VSTM2L: variants seen among roughly 807,000 people sequenced by gnomAD.
The protein encoded by VSTM2L is V-set and transmembrane domain containing 2 like.
A neutral mutation model predicts 19.9 loss-of-function variants in VSTM2L; 9 were observed. The observed-to-expected ratio is 0.45, with a 90% CI of 0.27 to 0.79. VSTM2L has a LOEUF of 0.79. Among genes scored for constraint, VSTM2L ranks in the 30% least tolerant of loss-of-function variants. VSTM2L has a pLI of 0.15. For missense variants in VSTM2L, 286 were observed against 295.5 expected (o/e 0.97, Z 0.24); for synonymous variants, 127 against 133.8 (o/e 0.95, Z 0.35).
intron 2 of VSTM2L, among the ~76,000 whole-genome samples, 173 bp from the exon 3 acceptor site, chr20:37,933,366 T>C (rs1406064708): frequency 6.6e-6 from 1 of 152,166 alleles, no homozygotes; most frequent in Non-Finnish European, 1.5e-5. Context: ...CCTGAGTGGA[T>C]ACAGAAAGGG....
intron 1 of VSTM2L, among the ~76,000 whole-genome samples, chr20:37,913,519 C>T (rs765087354): frequency 2.6e-5 from 4 of 152,192 alleles, no homozygotes; most frequent in Non-Finnish European, 5.9e-5. Context: ...GGTAAGCATA[C>T]TCAGAGAGCT....
chr20:37,905,717 C>A (rs2072748216), intron 1 of VSTM2L, among the ~76,000 whole-genome samples: 1 of 152,190 alleles, frequency 6.6e-6, no homozygotes, highest in Non-Finnish European at 1.5e-5. Context: ...GGTTCAAAGT[C>A]ACCAAGTAGT....
intron 1 of VSTM2L, among the ~76,000 whole-genome samples, chr20:37,921,363 C>T (rs2072850051): frequency 6.6e-6 from 1 of 152,158 alleles, no homozygotes; most frequent in South Asian, 2.1e-4. Context: ...CTGATTTTGA[C>T]CCTGAGGGCT....
In VSTM2L at chr20:37,944,575, A is replaced by G; in HGVS notation, c.*322A>G. On this transcript the variant is annotated 3_prime_UTR_variant, in exon 4 of 4. Coordinates refer to ENST00000373461, the MANE Select transcript of VSTM2L (RefSeq NM_080607.3). ...CCTGTCACCAGCTTCTGTGGAGTCC[A>G]GTGTTTTGCTTTGCTTGCTTGTCCC... 1.8e-6 allele frequency: 2 copies of G among 1,131,866 alleles called. No homozygotes were observed. The highest frequency in any genetic ancestry group is 2.2e-6 in the Non-Finnish European group (2 of 924,586). 70.1% of individuals were successfully genotyped at this position (1,131,866 alleles called of 1,614,324 possible). A position where few individuals can be genotyped will look rare whatever the true frequency, so the allele number is the denominator to read the frequency against.
Position 37,944,112 on chromosome 20 carries a change from G to T in VSTM2L, c.474G>T (p.Lys158Asn), listed in dbSNP as rs146721357. Residue 158 changes from lysine (K) to asparagine (N), a missense_variant, in exon 4 of 4, where the codon AAG (lysine) becomes AAT (asparagine). Transcript: ENST00000373461. ...GCAAGGCCCGGCACCACAAGGTCAA[G>T]GCCTACCTGCGGGTGCAGCCAGGGG... ...SDGKARHHKV[K>N]AYLRVQPGEN... is the part of the protein sequence containing the mutation. 6.2e-7 allele frequency: 1 copy of T among 1,612,474 alleles called. No individual in the cohort carries two copies. The highest frequency in any genetic ancestry group is 1.1e-5 in the South Asian group (1 of 90,928).
intron 1 of VSTM2L, among the ~76,000 whole-genome samples, chr20:37,912,656 G>A (rs1056078731): frequency 2.6e-5 from 4 of 152,216 alleles, no homozygotes; most frequent in Admixed American, 2.0e-4. Flanking sequence ...GCACACTGGT[G>A]CCCTTGGAGG....
intron 3 of VSTM2L, among the ~76,000 whole-genome samples, chr20:37,940,006 C>T (rs1294564709): frequency 6.6e-6 from 1 of 152,136 alleles, no homozygotes; most frequent in African/African-American, 2.4e-5. Context: ...TTCGTGGCCC[C>T]ATCTAGGGGA....
At chr20:37,907,589 C>G (rs1239285942) in intron 1 of VSTM2L, among the ~76,000 whole-genome samples, 1 of 152,018 alleles carries the variant, frequency 6.6e-6, no homozygotes, top group African/African-American at 2.4e-5. Context: ...GGTGGATGGT[C>G]CCTGAGAGGA....
chr20:37,913,739 C>T, intron 1 of VSTM2L, among the ~76,000 whole-genome samples: 1 of 152,096 alleles, frequency 6.6e-6, no homozygotes, highest in Non-Finnish European at 1.5e-5. Context: ...TGGAGCTGCG[C>T]CTGGCTGCCT....
intron 1 of VSTM2L, among the ~76,000 whole-genome samples, chr20:37,913,646 G>C (rs774179039): frequency 2.4e-4 from 36 of 152,238 alleles, no homozygotes; most frequent in Non-Finnish European, 3.7e-4. Flanking sequence ...AGCAGTCAGG[G>C]GAGACTTCCT....
At chr20:37,905,407 G>C (rs1239981842) in intron 1 of VSTM2L, among the ~76,000 whole-genome samples, 1 of 152,178 alleles carries the variant, frequency 6.6e-6, no homozygotes, top group African/African-American at 2.4e-5. Context: ...AGCAGGGTCT[G>C]TCTGCCCTTT....
intron 1 of VSTM2L, among the ~76,000 whole-genome samples, chr20:37,915,106 G>T (rs1354591723): frequency 6.6e-6 from 1 of 152,230 alleles, no homozygotes; most frequent in Non-Finnish European, 1.5e-5. Context: ...GCGCAGGATA[G>T]TGGAAATAGT....
chr20:37,917,378 C>T (rs868790920), intron 1 of VSTM2L, among the ~76,000 whole-genome samples: 1 of 152,142 alleles, frequency 6.6e-6, no homozygotes, highest in African/African-American at 2.4e-5. Flanking sequence ...GGCAGGGCGG[C>T]CCCTCCTCCA....
intron 1 of VSTM2L, among the ~76,000 whole-genome samples, chr20:37,910,631 G>C (rs1031680008): frequency 3.9e-5 from 6 of 152,136 alleles, no homozygotes; most frequent in African/African-American, 1.4e-4. Flanking sequence ...TGTAAGTATA[G>C]AGCTGGGTGC....
chr20:37,921,637 G>A (rs899967242), intron 1 of VSTM2L, among the ~76,000 whole-genome samples: 1 of 152,034 alleles, frequency 6.6e-6, no homozygotes, highest in Non-Finnish European at 1.5e-5. Flanking sequence ...GAGCAAACAT[G>A]TAATAGGGGA....
chr20:37,915,533 T>G (rs2072813444), intron 1 of VSTM2L, among the ~76,000 whole-genome samples: 1 of 152,068 alleles, frequency 6.6e-6, no homozygotes, highest in Non-Finnish European at 1.5e-5. Flanking sequence ...GGGAGCCCAC[T>G]GTGTGCCTGC....
intron 1 of VSTM2L, among the ~76,000 whole-genome samples, chr20:37,914,355 G>GGGGGGGAGTATTT (rs1600562470): frequency 1.3e-3 from 4 of 2,994 alleles, no homozygotes; most frequent in African/African-American, 4.5e-3. Context: ...GCATGTGTGT[G>GGGGGGGAGTATTT]GGGTGTTTAT....
At chr20:37,925,821 C>A (rs1363431399) in intron 1 of VSTM2L, among the ~76,000 whole-genome samples, 1 of 152,166 alleles carries the variant, frequency 6.6e-6, no homozygotes, top group African/African-American at 2.4e-5. Flanking sequence ...TCCCATGAGG[C>A]CTTGAACCTG....
At chr20:37,934,453 G>A (rs2072928326) in intron 3 of VSTM2L, among the ~76,000 whole-genome samples, 1 of 152,224 alleles carries the variant, frequency 6.6e-6, no homozygotes, top group Admixed American at 6.5e-5. Flanking sequence ...CCTGGCAGGA[G>A]GCTAGACATC....
Sources: gnomAD v4.1 joint callset for allele counts (sites outside exome capture counted in the v4.1 genomes callset) on GRCh38, gnomAD v4.1.1 for gene constraint, MANE v1.5 for transcripts, NCBI Gene and HGNC (gene_info 2026-07-23, HGNC 2026-07-21) for gene names.